NDUFAF6: variants seen among roughly 807,000 people sequenced by gnomAD.
NDUFAF6 encodes the protein NADH:ubiquinone oxidoreductase complex assembly factor 6.
Under a neutral mutation model 40.8 loss-of-function variants are expected in NDUFAF6, and 45 were observed. The ratio of observed to expected loss-of-function variants is 1.10; its 90% confidence interval spans 0.87 to 1.42. The LOEUF (loss-of-function observed/expected upper bound fraction) is 1.42. Among genes scored for constraint, NDUFAF6 ranks in the 40% most tolerant of loss-of-function variants. The probability of loss-of-function intolerance (pLI) is 0.00; values close to 1 mark genes in which losing one functional copy is unlikely to be tolerated. For synonymous variants in NDUFAF6, 185 were observed against 155.9 expected (o/e 1.19, Z -1.39); for missense variants, 435 against 418.5 (o/e 1.04, Z -0.34).
At chr8:95,048,254 C>G (rs1425316254) in intron 6 of NDUFAF6, among the ~76,000 whole-genome samples, 1 of 150,796 alleles carries the variant, frequency 6.6e-6, no homozygotes, top group African/African-American at 2.4e-5. Context: ...GTTTTTTTTT[C>G]TCTCTCTCCA....
rs11302193 is a variant in NDUFAF6, at chr8:95,066,287, C to CTTTTTTT, written c.*512-9329_*512-9323dup. 4.6e-4 allele frequency among the ~76,000 whole-genome samples: 38 copies of CTTTTTTT among 82,900 alleles called. 1 individual carries two copies. Among genetic ancestry groups the CTTTTTTT allele is most frequent in the African/African-American group, 1.8e-3 (36 of 20,524 alleles). The allele number at this position is 82,900 out of a possible 152,430, so 54.4% of individuals were successfully genotyped here. ...CCATCATGCCTGGCTTGCTTGCTTG[C>CTTTTTTT]TTTTTTTTTTTTTTTTTTTTTTTGA... On this transcript the variant is annotated intron_variant and NMD_transcript_variant, in intron 9 of 9. Coordinates refer to the NDUFAF6 transcript ENST00000520757.
At chr8:95,100,239 C>T (rs184536085), upstream of NDUFAF6, among the ~76,000 whole-genome samples, 14 of 149,174 alleles carry the variant, frequency 9.4e-5, no homozygotes, top group African/African-American at 3.5e-4. Context: ...GTGATTTCCT[C>T]CTCAGGATGT....
intron 4 of NDUFAF6, among the ~76,000 whole-genome samples, chr8:95,109,608 AGAGAG>A (rs1338192405): frequency 3.2e-5 from 3 of 92,732 alleles, no homozygotes; most frequent in Non-Finnish European, 7.0e-5. Context: ...AGAGAGAGAG[AGAGAG>A]AGAGAGACCT....
At chr8:94,925,902 A>C (rs16917141) in intron 1 of NDUFAF6, 1 of 152,394 alleles carries the variant, frequency 6.6e-6, no homozygotes, top group African/African-American at 2.4e-5. Flanking sequence ...TTTTGGACAA[A>C]AAAACTAAAC....
chr8:94,955,189 C>T (rs1335491040), upstream of NDUFAF6, among the ~76,000 whole-genome samples: 2 of 152,196 alleles, frequency 1.3e-5, no homozygotes, highest in Non-Finnish European at 2.9e-5. Flanking sequence ...GCACATAGAC[C>T]CTTCTTGTCC....
intron 8 of NDUFAF6, among the ~76,000 whole-genome samples, chr8:95,054,983 T>G (rs997987145): frequency 1.3e-5 from 2 of 152,226 alleles, no homozygotes; most frequent in East Asian, 1.9e-4. Flanking sequence ...ATTCAGAAAT[T>G]TATAATGTCT....
At position 95,048,441 on chromosome 8, in the gene NDUFAF6, ATATT is replaced by A. The variant is rs1563830421; in HGVS notation, c.715-14_715-11del. 6.3e-7 allele frequency: 1 copy of A among 1,581,698 alleles called. No individual in the cohort carries two copies. Among genetic ancestry groups the A allele is most frequent in the Non-Finnish European group, 8.7e-7 (1 of 1,150,448 alleles). On this transcript the variant is annotated splice_polypyrimidine_tract_variant and intron_variant, in intron 6 of 8. Transcript: ENST00000396124. ...TGCTTTTAGGTTCCTAATATAATGT[ATATT>A]TCCCCACACAGCATGGTGTTTCACA...
intron 6 of NDUFAF6, among the ~76,000 whole-genome samples, chr8:95,047,615 T>A (rs923542034): frequency 2.2e-4 from 33 of 151,314 alleles, no homozygotes; most frequent in African/African-American, 7.3e-4. Flanking sequence ...GTTAAAGCGA[T>A]TCTTCTGCCT....
chr8:94,951,103 C>G (rs1822571218), intron 2 of NDUFAF6: 1 of 152,250 alleles, frequency 6.6e-6, no homozygotes, highest in Non-Finnish European at 1.5e-5. Flanking sequence ...TAAGCAAAAG[C>G]ATTAAGCAAA....
At chr8:95,089,697 A>G (rs1482389204) in intron 2 of NDUFAF6, among the ~76,000 whole-genome samples, 2 of 152,114 alleles carry the variant, frequency 1.3e-5, no homozygotes, top group Non-Finnish European at 2.9e-5. Flanking sequence ...CCTCTTCCAA[A>G]TGGACCCAAA....
rs144424552 is a variant in NDUFAF6 at position 94,985,820 on chromosome 8, C to T, written c.-84+4847C>T. 4.2e-3 allele frequency among the ~76,000 whole-genome samples: 633 copies of T among 150,804 alleles called. 3 individuals are homozygous for T. The highest frequency in any genetic ancestry group is 0.015 in the African/African-American group (617 of 41,182). On this transcript the variant is annotated intron_variant, in intron 2 of 9. Transcript: ENST00000396111. ...AAGTGCTGGGATTACAGGTGTGAGC[C>T]TCCATGCCCTGCAACAATACATTTT...
At chr8:94,989,450 A>C (rs906792530) in intron 2 of NDUFAF6, 1 of 152,110 alleles carries the variant, frequency 6.6e-6, no homozygotes, top group Admixed American at 6.5e-5. Flanking sequence ...GAGGGGAGGG[A>C]AAAAATGGCT....
At chr8:95,072,504 A>G (rs1190948554) in intron 9 of NDUFAF6, among the ~76,000 whole-genome samples, 1 of 152,220 alleles carries the variant, frequency 6.6e-6, no homozygotes, top group African/African-American at 2.4e-5. Context: ...GAGAAGAGAG[A>G]GAGAGTAGAG....
chr8:95,050,278 T>C (rs747112686), intron 7 of NDUFAF6, among the ~76,000 whole-genome samples: 1 of 152,180 alleles, frequency 6.6e-6, no homozygotes, highest in African/African-American at 2.4e-5. Flanking sequence ...TTCCAAATGA[T>C]TTTAAACAGC....
At chr8:95,002,352 A>G (rs1466639813) in intron 2 of NDUFAF6, among the ~76,000 whole-genome samples, 1 of 152,224 alleles carries the variant, frequency 6.6e-6, no homozygotes. Context: ...TGAGCCCTCA[A>G]GAGCAGAAAT....
intron 1 of NDUFAF6, among the ~76,000 whole-genome samples, chr8:94,924,219 G>C (rs942831821): frequency 6.6e-6 from 1 of 151,920 alleles, no homozygotes; most frequent in Non-Finnish European, 1.5e-5. Flanking sequence ...ACGCCACCAC[G>C]CCCGTCTAAT....
At chr8:95,001,822 G>C (rs1429968595) in intron 2 of NDUFAF6, among the ~76,000 whole-genome samples, 3 of 152,360 alleles carry the variant, frequency 2.0e-5, no homozygotes, top group South Asian at 4.1e-4. Context: ...GATATTCCCA[G>C]AGCATCTGCA....
intron 1 of NDUFAF6, among the ~76,000 whole-genome samples, chr8:94,960,149 C>T (rs1217996015): frequency 6.6e-6 from 1 of 152,202 alleles, no homozygotes; most frequent in Non-Finnish European, 1.5e-5. Context: ...GCCTTAAAAA[C>T]ACTTCCTTCT....
At chr8:94,966,660 G>T (rs1824036041) in intron 1 of NDUFAF6, among the ~76,000 whole-genome samples, 1 of 152,192 alleles carries the variant, frequency 6.6e-6, no homozygotes, top group Non-Finnish European at 1.5e-5. Context: ...TCATCACAGA[G>T]TTCAGCAGTG....
Sources: gnomAD v4.1 joint callset for allele counts (sites outside exome capture counted in the v4.1 genomes callset) on GRCh38, gnomAD v4.1.1 for gene constraint, MANE v1.5 for transcripts, NCBI Gene and HGNC (gene_info 2026-07-23, HGNC 2026-07-21) for gene names.